Variants in COL19A1 observed in about 807,000 individuals in gnomAD.
The protein encoded by COL19A1 is collagen type XIX alpha 1 chain.
Under a neutral mutation model 190.2 loss-of-function variants are expected in COL19A1, and 159 were observed. That is an observed-to-expected ratio of 0.84 (90% CI 0.73 to 0.95). The LOEUF (loss-of-function observed/expected upper bound fraction) is 0.95. Among genes scored for constraint, COL19A1 ranks in the 40% least tolerant of loss-of-function variants. The probability of loss-of-function intolerance (pLI) is 0.00; values close to 1 mark genes in which losing one functional copy is unlikely to be tolerated. For missense variants in COL19A1, 1,418 were observed against 1,431.9 expected (o/e 0.99, Z 0.16); for synonymous variants, 509 against 458.9 (o/e 1.11, Z -1.39).
At chr6:69,867,583 G>T (rs1403970256) in intron 1 of COL19A1, 1 of 152,386 alleles carries the variant, frequency 6.6e-6, no homozygotes, top group Non-Finnish European at 1.5e-5. Context: ...AAGTTTGTTG[G>T]CCCGGAACCA....
intron 1 of COL19A1, among the ~76,000 whole-genome samples, chr6:69,870,481 G>A (rs995082139): frequency 2.0e-5 from 3 of 152,192 alleles, no homozygotes; most frequent in Non-Finnish European, 2.9e-5. Context: ...TTTCCAGATC[G>A]GAGAGGATTG....
At chr6:70,034,409 C>A in intron 13 of COL19A1, 111 bp downstream of exon 13, 1 of 802,910 alleles carries the variant, frequency 1.2e-6, no homozygotes, top group South Asian at 1.5e-5. Context: ...TAAAATTAAC[C>A]AAAAGCTGTT....
chr6:70,055,393 AG>A (rs1168767551), intron 14 of COL19A1, among the ~76,000 whole-genome samples: 2 of 149,566 alleles, frequency 1.3e-5, no homozygotes, highest in African/African-American at 2.6e-5. Flanking sequence ...TGCTTGTAAT[AG>A]TAAAAAAAAA....
chr6:70,000,331 G>A (rs547167901), intron 11 of COL19A1, among the ~76,000 whole-genome samples: 6 of 152,152 alleles, frequency 3.9e-5, no homozygotes, highest in Non-Finnish European at 5.9e-5. Context: ...ATAAACATAC[G>A]TGTACATGTG....
chr6:70,057,104 A>C (rs79012355), intron 14 of COL19A1, among the ~76,000 whole-genome samples: 1 of 152,162 alleles, frequency 6.6e-6, no homozygotes, highest in Non-Finnish European at 1.5e-5. Context: ...TTAAAACCAC[A>C]TATGTATAGA....
chr6:70,031,158 A>C (rs1184856128), intron 12 of COL19A1, among the ~76,000 whole-genome samples: 1 of 151,924 alleles, frequency 6.6e-6, no homozygotes, highest in Non-Finnish European at 1.5e-5. Context: ...CTGTGTGCTC[A>C]TGACACTCCT....
chr6:69,929,600 G>A lies in COL19A1; in HGVS notation c.566G>A (p.Cys189Tyr). The change falls in exon 6 of 51, where the codon TGT becomes TAT. Residue 189 changes from cysteine to tyrosine, a missense_variant. Coordinates refer to ENST00000620364, the MANE Select transcript of COL19A1 (RefSeq NM_001858.6). ...QSQVISLYMD[C>Y]NLIARRQTDE... Reference sequence around the variant, plus strand: ...CAGGTCATTTCACTTTATATGGATTGTAATTTAATTGCGAGGAGGCAGACT... The same window carrying A: ...CAGGTCATTTCACTTTATATGGATTATAATTTAATTGCGAGGAGGCAGACT... 1 of 1,613,992 alleles carries A rather than the reference G, an allele frequency of 6.2e-7. No individual in the cohort carries two copies. The highest frequency in any genetic ancestry group is 8.5e-7 in the Non-Finnish European group (1 of 1,179,964).
intron 1 of COL19A1, among the ~76,000 whole-genome samples, chr6:69,877,833 C>T (rs1031553853): frequency 6.6e-5 from 10 of 151,916 alleles, no homozygotes; most frequent in African/African-American, 2.4e-4. Context: ...ATCCTGGCCC[C>T]ATCTCTACTA....
At chr6:69,988,195 A>G (rs1300376036) in intron 11 of COL19A1, among the ~76,000 whole-genome samples, 1 of 152,200 alleles carries the variant, frequency 6.6e-6, no homozygotes, top group African/African-American at 2.4e-5. Context: ...CTCTAACTGC[A>G]GCCTCATCAG....
intron 1 of COL19A1, among the ~76,000 whole-genome samples, chr6:69,874,440 T>C (rs1236367330): frequency 6.6e-6 from 1 of 152,170 alleles, no homozygotes; most frequent in Non-Finnish European, 1.5e-5. Context: ...AACCCTCAAA[T>C]AGCGAACACA....
At position 69,941,025 on chromosome 6, in the gene COL19A1, T is replaced by C. The variant is rs75515175; in HGVS notation, c.936+2925T>C. Among the ~76,000 whole-genome samples the C allele has an allele frequency of 5.5e-3, 833 of 152,278 alleles. 18 individuals carry two copies. In the East Asian group the frequency reaches 0.068, roughly 13 times the overall value. On this transcript the variant is annotated intron_variant, in intron 9 of 50. Transcript: ENST00000620364. Reference sequence around the variant, plus strand: ...AAATAATGCCTACATAACTTGAAGATCGAAAGTCATTTTTGCTCTAAGGCA... The same window carrying C: ...AAATAATGCCTACATAACTTGAAGACCGAAAGTCATTTTTGCTCTAAGGCA...
At chr6:69,933,532 C>G (rs1772914665) in intron 7 of COL19A1, among the ~76,000 whole-genome samples, 1 of 152,108 alleles carries the variant, frequency 6.6e-6, no homozygotes, top group Non-Finnish European at 1.5e-5. Context: ...ATGTCTTTCT[C>G]TTAAGTGACT....
intron 33 of COL19A1, 59 bp from the exon 34 acceptor site, chr6:70,156,611 C>A: frequency 1.3e-6 from 2 of 1,568,016 alleles, no homozygotes; most frequent in Non-Finnish European, 1.7e-6. Context: ...AGATTTTTTT[C>A]ATTTCCAAAA....
intron 7 of COL19A1, among the ~76,000 whole-genome samples, chr6:69,934,517 A>G (rs1173192802): frequency 1.3e-5 from 2 of 151,956 alleles, no homozygotes; most frequent in Non-Finnish European, 2.9e-5. Flanking sequence ...TGTAATAGAA[A>G]CTTTCCACCT....
chr6:69,900,112 G>C, intron 3 of COL19A1, 127 bp from the exon 4 acceptor site: 1 of 462,372 alleles, frequency 2.2e-6, no homozygotes, highest in Non-Finnish European at 3.8e-6. Flanking sequence ...AAGAAATTTT[G>C]CTGATCCCAA....
At chr6:70,156,794 G>T in intron 34 of COL19A1, 71 bp downstream of exon 34, 1 of 1,267,338 alleles carries the variant, frequency 7.9e-7, no homozygotes, top group East Asian at 2.5e-5. Flanking sequence ...GAGTAAAAAT[G>T]TTAATTTTTC....
intron 31 of COL19A1, 100 bp from the exon 32 acceptor site, chr6:70,156,027 C>T: frequency 3.5e-6 from 3 of 868,308 alleles, no homozygotes; most frequent in Non-Finnish European, 3.6e-6. Context: ...CTATATCACT[C>T]ATCTCCAGAG....
intron 48 of COL19A1, 38 bp downstream of exon 48, chr6:70,190,419 G>C (rs1766792771): frequency 7.5e-7 from 1 of 1,326,648 alleles, no homozygotes; most frequent in African/African-American, 1.5e-5. Context: ...ATTTTTCACT[G>C]ATTCCCACCT....
chr6:69,959,017 T>C (rs1774603831), intron 9 of COL19A1, among the ~76,000 whole-genome samples: 1 of 152,230 alleles, frequency 6.6e-6, no homozygotes, highest in Non-Finnish European at 1.5e-5. Context: ...TGTTAGCGTA[T>C]TTTGAGCTGT....
Sources: allele counts gnomAD v4.1 joint callset (sites outside exome capture counted in the v4.1 genomes callset), GRCh38; gene constraint gnomAD v4.1.1; transcripts MANE v1.5; gene names NCBI Gene and HGNC (gene_info 2026-07-23, HGNC 2026-07-21).